PLXNA4: variants seen among roughly 807,000 people sequenced by gnomAD.
The protein encoded by PLXNA4 is plexin-A4.
In PLXNA4, 44 loss-of-function variants were observed where a neutral mutation model predicts 191.8. The ratio of observed to expected loss-of-function variants is 0.23; its 90% CI spans 0.18 to 0.29. The LOEUF is 0.29. Among genes scored for constraint, PLXNA4 ranks in the 10% least tolerant of loss-of-function variants. The pLI is 1.00. For synonymous variants in PLXNA4, 1,082 were observed against 1,009.5 expected (o/e 1.07, Z -1.36); for missense variants, 1,800 against 2,488.8 (o/e 0.72, Z 5.89).
chr7:132,455,874 C>T (rs532712580), intron 3 of PLXNA4, among the ~76,000 whole-genome samples: 1 of 152,134 alleles, frequency 6.6e-6, no homozygotes, highest in Non-Finnish European at 1.5e-5. Context: ...CCATCAACCC[C>T]TCTGCCCACC....
intron 3 of PLXNA4, among the ~76,000 whole-genome samples, chr7:132,320,253 G>C (rs1802109991): frequency 2.6e-5 from 4 of 152,198 alleles, no homozygotes; most frequent in Admixed American, 1.3e-4. Flanking sequence ...GGAATCAAGG[G>C]GCCGGTAGGG....
chr7:132,265,966 A>G (rs1380589659), intron 4 of PLXNA4, among the ~76,000 whole-genome samples: 1 of 152,224 alleles, frequency 6.6e-6, no homozygotes, highest in Non-Finnish European at 1.5e-5. Context: ...AGAAAAAGTC[A>G]TTAGAAAAGA....
At position 132,202,630 on chromosome 7, in the gene PLXNA4, C is replaced by A. The variant is rs1797477153; in HGVS notation, c.2586+16G>T. ...GAGCCTGCCCATTTGGAGCAGGAGG[C>A]CCGACCCCGGCTTACCTCTGTGATG... On this transcript the variant is annotated intron_variant, in intron 12 of 31. Coordinates refer to ENST00000321063, the MANE Select transcript of PLXNA4 (RefSeq NM_020911.2). 1.4e-6 allele frequency: 2 copies of A among 1,453,582 alleles called. No individual in the cohort carries two copies. Among genetic ancestry groups the A allele is most frequent in the Admixed American group, 2.4e-5 (1 of 42,370 alleles). The allele number at this position is 1,453,582 out of a possible 1,614,324, so 90.0% of individuals were successfully genotyped here.
chr7:132,536,761 C>T (rs1799851549), intron 1 of PLXNA4, among the ~76,000 whole-genome samples: 1 of 152,250 alleles, frequency 6.6e-6, no homozygotes, highest in Non-Finnish European at 1.5e-5. Context: ...GCAACTCATA[C>T]ACCACCCCTA....
At chr7:132,640,239 A>G (rs1317129124) in intron 2 of PLXNA4, among the ~76,000 whole-genome samples, 1 of 152,268 alleles carries the variant, frequency 6.6e-6, no homozygotes, top group Non-Finnish European at 1.5e-5. Context: ...CACAGTGACC[A>G]GAGAAGACAT....
chr7:132,341,605 G>T (rs1053683386), intron 3 of PLXNA4, among the ~76,000 whole-genome samples: 1 of 152,052 alleles, frequency 6.6e-6, no homozygotes. Context: ...TCTAATTCTG[G>T]GCCTGGGCTG....
chr7:132,498,368 A>T (rs1434915109), intron 2 of PLXNA4, among the ~76,000 whole-genome samples: 1 of 152,180 alleles, frequency 6.6e-6, no homozygotes, highest in Non-Finnish European at 1.5e-5. Flanking sequence ...CCTCACAATC[A>T]TGGCAGAAGG....
chr7:132,290,829 A>T (rs1021580530), intron 4 of PLXNA4, among the ~76,000 whole-genome samples: 1 of 152,188 alleles, frequency 6.6e-6, no homozygotes, highest in African/African-American at 2.4e-5. Flanking sequence ...TGTACCCGGA[A>T]CATGGCATTT....
intron 4 of PLXNA4, among the ~76,000 whole-genome samples, chr7:132,286,470 G>A (rs1800687328): frequency 6.6e-6 from 1 of 152,222 alleles, no homozygotes; most frequent in South Asian, 2.1e-4. Flanking sequence ...ACAATTGCCA[G>A]AGACAGATGC....
intron 3 of PLXNA4, among the ~76,000 whole-genome samples, chr7:132,304,722 G>A (rs183185297): frequency 0.01 from 1,405 of 136,894 alleles, 19 homozygotes; most frequent in African/African-American, 0.04. Flanking sequence ...TAATAATTTG[G>A]TTTGGTGACT....
chr7:132,346,163 CTT>C (rs1404065863), intron 3 of PLXNA4, among the ~76,000 whole-genome samples: 1 of 152,176 alleles, frequency 6.6e-6, no homozygotes, highest in Non-Finnish European at 1.5e-5. Flanking sequence ...ATCTGTGTGA[CTT>C]TGGGCACTTG....
chr7:132,182,228 G>T, intron 16 of PLXNA4, 38 bp from the exon 17 acceptor site: 1 of 1,610,470 alleles, frequency 6.2e-7, no homozygotes. Flanking sequence ...TAAATGATAA[G>T]TTCAGGAAGA....
chr7:132,608,991 A>C (rs1418883905), intron 2 of PLXNA4, among the ~76,000 whole-genome samples: 1 of 151,968 alleles, frequency 6.6e-6, no homozygotes, highest in Non-Finnish European at 1.5e-5. Flanking sequence ...CCTTGCTCAC[A>C]TGTTGTTTCT....
In PLXNA4 at chr7:132,493,091, C is replaced by G. The variant is rs111592223; in HGVS notation, c.1189-3617G>C. 2.9e-4 allele frequency among the ~76,000 whole-genome samples: 44 copies of G among 152,244 alleles called. 1 individual carries two copies. Among genetic ancestry groups the G allele is most frequent in the African/African-American group, 9.6e-4 (40 of 41,558 alleles). The stretch of plus-strand genomic sequence containing the variant: ...AACAGATGCCAGGGCTGCCTGGGCC[C>G]GGGAAGGTGAGGCTAATTGGTGAAA... On this transcript the variant is annotated intron_variant, in intron 2 of 31. Transcript: ENST00000321063.
intron 2 of PLXNA4, among the ~76,000 whole-genome samples, chr7:132,645,040 C>A (rs1017624341): frequency 1.3e-5 from 2 of 152,182 alleles, no homozygotes; most frequent in African/African-American, 4.8e-5. Flanking sequence ...CACTGGGATG[C>A]CTTCTCAGGT....
At chr7:132,420,161 C>T (rs1198449103) in intron 3 of PLXNA4, among the ~76,000 whole-genome samples, 6 of 152,198 alleles carry the variant, frequency 3.9e-5, no homozygotes, top group Admixed American at 3.9e-4. Flanking sequence ...AGGTCAAGTC[C>T]ACATTGCTCC....
chr7:132,562,420 C>T lies in PLXNA4; in HGVS notation c.-87+14002G>A, dbSNP rs1198001788. ...GCTGCTCCTCCTCCTTCTCCTCCTTCTCCTACTCCTTTTCCTCTTCATCCT... is the reference window on the plus strand; with the variant it reads ...GCTGCTCCTCCTCCTTCTCCTCCTTTTCCTACTCCTTTTCCTCTTCATCCT... On this transcript the variant is annotated intron_variant, in intron 1 of 31. Transcript: ENST00000321063. 5.3e-4 allele frequency among the ~76,000 whole-genome samples: 70 copies of T among 131,800 alleles called. 2 individuals are homozygous for T. The highest frequency in any genetic ancestry group is 8.5e-4 in the South Asian group (3 of 3,522). 86.5% of individuals were successfully genotyped at this position (131,800 alleles called of 152,430 possible).
At chr7:132,282,098 C>A (rs1318539581) in intron 4 of PLXNA4, among the ~76,000 whole-genome samples, 1 of 152,110 alleles carries the variant, frequency 6.6e-6, no homozygotes, top group Non-Finnish European at 1.5e-5. Flanking sequence ...CAGACACTAG[C>A]TAGTATCAAC....
At chr7:132,218,817 A>G (rs1798051443) in intron 9 of PLXNA4, among the ~76,000 whole-genome samples, 2 of 152,196 alleles carry the variant, frequency 1.3e-5, no homozygotes, top group South Asian at 4.1e-4. Flanking sequence ...TTGTAACTGG[A>G]ATATAGTTAC....
Sources: gnomAD v4.1 joint callset for allele counts (sites outside exome capture counted in the v4.1 genomes callset) on GRCh38, gnomAD v4.1.1 for gene constraint, MANE v1.5 for transcripts, NCBI Gene and HGNC (gene_info 2026-07-23, HGNC 2026-07-21) for gene names.